The following GALNT5 variants were observed in gnomAD, a reference collection of about 807,000 sequenced individuals.
GALNT5 encodes UDP-GalNAc:polypeptide N-acetylgalactosaminyltransferase 5.
GALNT5 carries 72 observed loss-of-function variants against 85.4 expected under a neutral mutation model. The observed-to-expected ratio is 0.84, with a 90% CI of 0.70 to 1.03. The LOEUF (loss-of-function observed/expected upper bound fraction) is 1.03. GALNT5 is among the 50% of genes least tolerant of loss of function. GALNT5 has a pLI of 0.00. For synonymous variants in GALNT5, 404 were observed against 397.0 expected, an observed-to-expected ratio of 1.02 and a Z score of -0.21; for missense variants, 1,137 against 1,135.5, an observed-to-expected ratio of 1.00 and a Z score of -0.02.
intron 1 of GALNT5, among the ~76,000 whole-genome samples, chr2:157,273,149 G>A (rs545539061): frequency 1.3e-5 from 2 of 152,072 alleles, no homozygotes; most frequent in Non-Finnish European, 1.5e-5. Context: ...CAATTCTCTC[G>A]TTGGGAAACT....
chr2:157,295,704 G>C lies in GALNT5; in HGVS notation c.1783G>C (p.Val595Leu). The C allele has an allele frequency of 1.9e-6, 3 of 1,612,258 alleles. No homozygotes were observed. The highest frequency in any genetic ancestry group is 2.5e-6 in the Non-Finnish European group (3 of 1,178,476). ...TTTAGATTCTCATGTGGAATGTAAC[G>C]TTGGTTGGTTGGAACCTCTTCTGGA... The part of the protein sequence containing the change: ...TFLDSHVECN[V>L]GWLEPLLERV... Residue 595 changes from valine to leucine, a missense_variant, in exon 4 of 10, where the codon GTT becomes CTT. Transcript: ENST00000259056.
intron 3 of GALNT5, among the ~76,000 whole-genome samples, chr2:157,288,085 A>G (rs1160296306): frequency 6.6e-6 from 1 of 152,150 alleles, no homozygotes; most frequent in Non-Finnish European, 1.5e-5. Flanking sequence ...ACATTTAGCC[A>G]CCACTCTGGC....
intron 1 of GALNT5, among the ~76,000 whole-genome samples, chr2:157,273,629 G>GTTT (rs1682644348): frequency 2.6e-5 from 1 of 38,008 alleles, no homozygotes; most frequent in African/African-American, 2.4e-4. Context: ...CATATTTCTT[G>GTTT]CTTTTTTTTT....
At chr2:157,292,793 C>T (rs533836387) in intron 3 of GALNT5, among the ~76,000 whole-genome samples, 2 of 152,200 alleles carry the variant, frequency 1.3e-5, no homozygotes, top group South Asian at 4.2e-4. Flanking sequence ...GCAACCTCCG[C>T]CTCCTGGGTT....
chr2:157,300,926 G>GCTTT lies in GALNT5; in HGVS notation c.2367_2368insTTTC (p.Lys790PhefsTer14). ...AGGGAGCTGCGAAAGAAACTGAAGT[G>GCTTT]CAAAAGTTTCAAATGGTACTTGGAG... On this transcript the variant is annotated frameshift_variant, in exon 7 of 10. Coordinates refer to ENST00000259056, the MANE Select transcript of GALNT5 (RefSeq NM_014568.3). LOFTEE classifies it high-confidence loss of function. The GCTTT allele has an allele frequency of 6.2e-7, 1 of 1,614,052 alleles. No homozygotes were observed. Among genetic ancestry groups the GCTTT allele is most frequent in the East Asian group, 2.2e-5 (1 of 44,868 alleles).
intron 1 of GALNT5, among the ~76,000 whole-genome samples, chr2:157,277,820 C>T (rs1682768260): frequency 6.6e-6 from 1 of 152,194 alleles, no homozygotes; most frequent in African/African-American, 2.4e-5. Flanking sequence ...AGCCCATTTA[C>T]ATTTAAGATT....
chr2:157,317,375 C>G lies in GALNT5; in HGVS notation c.*6027C>G, dbSNP rs1159041241. Among the ~76,000 whole-genome samples, 2 of 151,936 alleles carry G rather than the reference C, an allele frequency of 1.3e-5. No homozygotes were observed. The highest frequency in any genetic ancestry group is 4.8e-5 in the African/African-American group (2 of 41,402). On this transcript the variant is annotated 3_prime_UTR_variant, in exon 10 of 10. Transcript: ENST00000259056. ...GAACTTACACTCTGGATACCATTTT[C>G]CAAACTTGAAGGAGTAATCAAGTTC...
chr2:157,293,853 CCTT>C (rs1209784857), intron 3 of GALNT5, among the ~76,000 whole-genome samples: 7 of 152,202 alleles, frequency 4.6e-5, no homozygotes, highest in Non-Finnish European at 4.4e-5. Context: ...AGCTCTGCCT[CCTT>C]CTAGCATTTT....
chr2:157,316,743 T>C lies in GALNT5; in HGVS notation c.*5395T>C, dbSNP rs974304390. On this transcript the variant is annotated 3_prime_UTR_variant, in exon 10 of 10. Coordinates refer to ENST00000259056, the MANE Select transcript of GALNT5 (RefSeq NM_014568.3). ...TAGTATTCCAGGTGTTGGTGGTGTC[T>C]GTATCTCAAAGAAAGAAAAAAATAA... Among the ~76,000 whole-genome samples the C allele has an allele frequency of 1.9e-4, 29 of 152,194 alleles. No individual in the cohort carries two copies. The highest frequency in any genetic ancestry group is 1.6e-4 in the Non-Finnish European group (11 of 68,024).
Position 157,286,099 on chromosome 2 carries a change from T to C in GALNT5, c.1706T>C (p.Ile569Thr). 6.2e-7 allele frequency: 1 copy of C among 1,613,426 alleles called. No individual in the cohort carries two copies. The highest frequency in any genetic ancestry group is 8.5e-7 in the Non-Finnish European group (1 of 1,179,328). Reference sequence around the variant, plus strand: ...CGCCTCAAAGAGAGACATGGCTTAATAAGGGCCAGGCTGGCAGGAGCACAG... The same window carrying C: ...CGCCTCAAAGAGAGACATGGCTTAACAAGGGCCAGGCTGGCAGGAGCACAG... ...ILRLKERHGLIRARLAGAQNA... is the reference protein window; with the variant it reads ...ILRLKERHGLTRARLAGAQNA... The change falls in exon 3 of 10, where the codon ATA (isoleucine) becomes ACA (threonine). Residue 569 changes from isoleucine (I) to threonine (T), a missense_variant. Ile to Thr is a moderately conservative substitution (Grantham distance 89). Transcript: ENST00000259056.
chr2:157,265,790 T>G (rs1227949800), intron 1 of GALNT5, among the ~76,000 whole-genome samples: 5 of 152,224 alleles, frequency 3.3e-5, no homozygotes, highest in Non-Finnish European at 5.9e-5. Context: ...AGAAGCTGTA[T>G]TTTGCTGTTT....
At chr2:157,285,498 A>G (rs1242986398) in intron 2 of GALNT5, among the ~76,000 whole-genome samples, 12 of 152,234 alleles carry the variant, frequency 7.9e-5, no homozygotes. Context: ...AACATAGCTC[A>G]TAAAGCCCCC....
chr2:157,306,286 T>C (rs1477479533), intron 8 of GALNT5, among the ~76,000 whole-genome samples: 1 of 152,254 alleles, frequency 6.6e-6, no homozygotes, highest in Non-Finnish European at 1.5e-5. Context: ...ACAACATATT[T>C]CTAAATAATC....
intron 5 of GALNT5, chr2:157,298,794 A>G (rs982380017): frequency 6.6e-6 from 1 of 152,236 alleles, no homozygotes; most frequent in African/African-American, 2.4e-5. Flanking sequence ...AGTGAGTGGC[A>G]CAGCGTCCCC....
intron 9 of GALNT5, 124 bp downstream of exon 9, chr2:157,308,852 T>A: frequency 1.5e-6 from 1 of 674,960 alleles, no homozygotes; most frequent in Non-Finnish European, 2.4e-6. Flanking sequence ...TGGGATTATG[T>A]AAAAGTTCAT....
At chr2:157,301,100 A>G in intron 7 of GALNT5, 101 bp downstream of exon 7, 1 of 815,428 alleles carries the variant, frequency 1.2e-6, no homozygotes, top group Non-Finnish European at 1.9e-6. Flanking sequence ...TTATAAATAA[A>G]CACCAAGTAT....
chr2:157,308,178 T>G (rs1344369068), intron 8 of GALNT5, among the ~76,000 whole-genome samples: 3 of 152,164 alleles, frequency 2.0e-5, no homozygotes, highest in Non-Finnish European at 4.4e-5. Flanking sequence ...GACTGAACAT[T>G]CCAATTCTTT....
Position 157,284,409 on chromosome 2 carries a change from A to G in GALNT5, c.1582A>G (p.Ile528Val), listed in dbSNP as rs769557092. 1.2e-6 allele frequency: 2 copies of G among 1,613,666 alleles called. No individual in the cohort carries two copies. Among genetic ancestry groups the G allele is most frequent in the Non-Finnish European group, 1.7e-6 (2 of 1,179,600 alleles). ...SVINRSPPHL[I>V]KEILLVDDFS... ...CATCAATCGCTCTCCTCCACACCTCATCAAGGAGATTCTGCTGGTAGATGA... is the reference window on the plus strand; with the variant it reads ...CATCAATCGCTCTCCTCCACACCTCGTCAAGGAGATTCTGCTGGTAGATGA... Residue 528 changes from isoleucine to valine, a missense_variant, in exon 2 of 10, where the codon ATC becomes GTC. Physicochemically the swap from Ile to Val is conservative, Grantham distance 29. Coordinates refer to ENST00000259056, the MANE Select transcript of GALNT5 (RefSeq NM_014568.3).
intron 8 of GALNT5, 31 bp from the exon 9 acceptor site, chr2:157,308,536 G>C: frequency 6.3e-7 from 1 of 1,575,952 alleles, no homozygotes; most frequent in Non-Finnish European, 8.6e-7. Context: ...TTTGCTGCCT[G>C]AAGTGACCTC....
Sources: gnomAD v4.1 joint callset for allele counts (sites outside exome capture counted in the v4.1 genomes callset) on GRCh38, gnomAD v4.1.1 for gene constraint, MANE v1.5 for transcripts, NCBI Gene and HGNC (gene_info 2026-07-23, HGNC 2026-07-21) for gene names.